SNX14: variants seen among roughly 807,000 people sequenced by gnomAD.
SNX14 encodes the protein sorting nexin-14.
A neutral mutation model predicts 133.8 loss-of-function variants in SNX14; 93 were observed. The ratio of observed to expected loss-of-function variants is 0.70; its 90% CI spans 0.59 to 0.83. The LOEUF is 0.83. Ranked by LOEUF, SNX14 falls within the 40% of genes least tolerant of loss-of-function variation. The probability of loss-of-function intolerance (pLI) is 0.00; values close to 1 mark genes in which losing one functional copy is unlikely to be tolerated. For synonymous variants in SNX14, 368 were observed against 365.6 expected, an observed-to-expected ratio of 1.01 and a Z score of -0.07; for missense variants, 945 against 1,094.9, an observed-to-expected ratio of 0.86 and a Z score of 1.93.
At chr6:85,573,371 A>G (rs1463939558) in intron 2 of SNX14, among the ~76,000 whole-genome samples, 1 of 152,138 alleles carries the variant, frequency 6.6e-6, no homozygotes, top group Non-Finnish European at 1.5e-5. Flanking sequence ...TCTCAGTTAC[A>G]TGGAAGGCTG....
chr6:85,527,507 T>C (rs1201938263), intron 20 of SNX14, among the ~76,000 whole-genome samples: 1 of 152,086 alleles, frequency 6.6e-6, no homozygotes, highest in Non-Finnish European at 1.5e-5. Context: ...TCTTTCTTTT[T>C]GGCTAGGAAG....
In SNX14 at chr6:85,526,245, G is replaced by T; in HGVS notation, c.1996-8C>A. 1 of 1,555,296 alleles carries T rather than the reference G, an allele frequency of 6.4e-7. No homozygotes were observed. Among genetic ancestry groups the T allele is most frequent in the South Asian group, 1.2e-5 (1 of 82,162 alleles). The stretch of plus-strand genomic sequence containing the variant: ...TGGATGCTGCAGAAGTTTCTTGAAT[G>T]AACAAAAAAAACGGAAAACACAGTT... On this transcript the variant is annotated splice_region_variant and splice_polypyrimidine_tract_variant and intron_variant, in intron 20 of 28. Coordinates refer to ENST00000314673, the MANE Select transcript of SNX14 (RefSeq NM_153816.6).
chr6:85,548,010 T>C (rs1786297050), intron 9 of SNX14, among the ~76,000 whole-genome samples: 1 of 152,164 alleles, frequency 6.6e-6, no homozygotes, highest in Non-Finnish European at 1.5e-5. Flanking sequence ...AGACTAATAC[T>C]TATGATTCCA....
intron 21 of SNX14, among the ~76,000 whole-genome samples, chr6:85,523,421 T>C (rs1777524424): frequency 6.6e-6 from 1 of 152,054 alleles, no homozygotes; most frequent in Non-Finnish European, 1.5e-5. Flanking sequence ...GTAAAGGGAA[T>C]GAAGAGGAAG....
chr6:85,508,441 T>C lies in SNX14; in HGVS notation c.2654-382A>G, dbSNP rs377324888. The C allele has an allele frequency of 2.3e-5, 21 of 904,892 alleles. No homozygotes were observed. In the South Asian group the frequency reaches 6.6e-4, roughly 28 times the overall value. The allele number at this position is 904,892 out of a possible 1,614,324, so 56.1% of individuals were successfully genotyped here. On this transcript the variant is annotated intron_variant, in intron 26 of 28. Transcript: ENST00000314673. ...GTTTGTACATCTGTACATACATGTA[T>C]AGAAATGCATGGAAAAATGTAAGGA...
At chr6:85,527,070 A>C (rs1778727800) in intron 20 of SNX14, among the ~76,000 whole-genome samples, 1 of 152,178 alleles carries the variant, frequency 6.6e-6, no homozygotes, top group Non-Finnish European at 1.5e-5. Flanking sequence ...ACTCTGTCTC[A>C]AAAAATAAAA....
At chr6:85,579,275 TAC>T (rs1333463358) in intron 1 of SNX14, among the ~76,000 whole-genome samples, 1 of 152,112 alleles carries the variant, frequency 6.6e-6, no homozygotes, top group East Asian at 1.9e-4. Context: ...ACCTGTTCAC[TAC>T]AGAGATAACT....
chr6:85,542,593 A>G (rs774377967), intron 14 of SNX14, among the ~76,000 whole-genome samples: 2 of 151,914 alleles, frequency 1.3e-5, no homozygotes, highest in Non-Finnish European at 2.9e-5. Context: ...AAGGGGTTTC[A>G]ATGTGTTAGC....
At chr6:85,531,968 T>C (rs1780460741) in intron 18 of SNX14, among the ~76,000 whole-genome samples, 4 of 151,874 alleles carry the variant, frequency 2.6e-5, no homozygotes, top group Admixed American at 2.6e-4. Context: ...GTTGAGGCTG[T>C]AGTGAGCCAC....
rs1237919583 is a variant in SNX14, at chr6:85,533,707, T to A, written c.1702A>T (p.Ser568Cys). ...TCAAAAAAGTCTACATATGGAATGC[T>A]AATTTTCCATGCAGCAAGGTTTCGG... ...TPRNLAAWKI[S>C]IPYVDFFEDP... The change falls in exon 18 of 29, where the codon AGC becomes TGC. Residue 568 changes from serine to cysteine, a missense_variant. This residue lies in a region of SNX14 where 412 missense variants were observed against 516.6 expected (regional missense o/e 0.80). Transcript: ENST00000314673. 1.2e-6 allele frequency: 2 copies of A among 1,614,070 alleles called. No individual in the cohort carries two copies. The highest frequency in any genetic ancestry group is 1.3e-5 in the African/African-American group (1 of 75,052).
intron 6 of SNX14, among the ~76,000 whole-genome samples, chr6:85,559,790 C>T (rs1562333401): frequency 6.6e-6 from 1 of 152,244 alleles, no homozygotes; most frequent in East Asian, 1.9e-4. Flanking sequence ...GTAACTTTTA[C>T]AACTCAGTAA....
chr6:85,529,541 C>T (rs1193489914), intron 19 of SNX14, among the ~76,000 whole-genome samples: 1 of 152,088 alleles, frequency 6.6e-6, no homozygotes, highest in Non-Finnish European at 1.5e-5. Context: ...AGAGAAAGAA[C>T]GAGGATGGTA....
chr6:85,509,077 A>T (rs1771817660), intron 26 of SNX14, among the ~76,000 whole-genome samples: 1 of 152,216 alleles, frequency 6.6e-6, no homozygotes, highest in South Asian at 2.1e-4. Flanking sequence ...CTAATGAACA[A>T]ATATACGTAA....
chr6:85,548,293 A>G lies in SNX14; in HGVS notation c.867+8T>C. The stretch of plus-strand genomic sequence containing the variant: ...TGTAACAATTTAAAAAAAAATCTTA[A>G]GTCTTACTGGATCAGCTAGGAAATC... On this transcript the variant is annotated splice_region_variant and intron_variant, in intron 9 of 28. Coordinates refer to ENST00000314673, the MANE Select transcript of SNX14 (RefSeq NM_153816.6). 6.3e-7 allele frequency: 1 copy of G among 1,590,040 alleles called. No homozygotes were observed. The highest frequency in any genetic ancestry group is 8.6e-7 in the Non-Finnish European group (1 of 1,169,528).
chr6:85,569,334 C>T (rs1409522458), intron 4 of SNX14, among the ~76,000 whole-genome samples: 2 of 152,204 alleles, frequency 1.3e-5, no homozygotes. Flanking sequence ...CACTCCCTTC[C>T]ATCCTAAATA....
intron 25 of SNX14, 30 bp from the exon 26 acceptor site, chr6:85,513,925 G>A (rs1051715296): frequency 1.3e-6 from 2 of 1,584,270 alleles, no homozygotes; most frequent in Non-Finnish European, 1.7e-6. Context: ...AATATTTCTG[G>A]AATTTTCATC....
intron 1 of SNX14, among the ~76,000 whole-genome samples, chr6:85,584,795 TTGG>T (rs777924466): frequency 2.6e-5 from 4 of 152,194 alleles, no homozygotes; most frequent in Non-Finnish European, 5.9e-5. Flanking sequence ...TTTTACACTG[TTGG>T]TGGGAGTGTA....
rs1801832403 is a variant in SNX14 at position 85,588,725 on chromosome 6, C to CA, written c.140+4853dup. ...TAACTCCTAATAGTTTACTGTTGAC[C>CA]AAAAGCCTTACCAATACAGTAATAG... On this transcript the variant is annotated intron_variant, in intron 1 of 28. Transcript: ENST00000314673. 15 of 299,434 alleles carry CA rather than the reference C, an allele frequency of 5.0e-5. 1 individual carries two copies. Among genetic ancestry groups the CA allele is most frequent in the South Asian group, 4.6e-4 (15 of 32,266 alleles). 18.5% of individuals were successfully genotyped at this position (299,434 alleles called of 1,614,324 possible). A position where few individuals can be genotyped will look rare whatever the true frequency, so the allele number is the denominator to read the frequency against.
chr6:85,572,319 TTA>T lies in SNX14; in HGVS notation c.315_316del (p.Lys106SerfsTer4). ...TTACCTATGTCGTTTACATTTCACTTTACCACAAACAGCACAGCTATGACCTT... is the reference window on the plus strand; with the variant it reads ...TTACCTATGTCGTTTACATTTCACTTCCACAAACAGCACAGCTATGACCTT... On this transcript the variant is annotated frameshift_variant, in exon 3 of 29. Coordinates refer to ENST00000314673, the MANE Select transcript of SNX14 (RefSeq NM_153816.6). LOFTEE classifies it high-confidence loss of function. 1 of 1,613,718 alleles carries T rather than the reference TTA, an allele frequency of 6.2e-7. No homozygotes were observed. Among genetic ancestry groups the T allele is most frequent in the Non-Finnish European group, 8.5e-7 (1 of 1,179,842 alleles).
Sources: gnomAD v4.1 joint callset for allele counts (sites outside exome capture counted in the v4.1 genomes callset) on GRCh38, gnomAD v4.1.1 for gene constraint, gnomAD v4.1.1 regional missense constraint, MANE v1.5 for transcripts, NCBI Gene and HGNC (gene_info 2026-07-23, HGNC 2026-07-21) for gene names.